CCDC30: variants seen among roughly 807,000 people sequenced by gnomAD.
CCDC30 encodes the protein coiled-coil domain-containing protein 30.
Under a neutral mutation model 100.2 loss-of-function variants are expected in CCDC30, and 70 were observed. The observed-to-expected ratio is 0.70, with a 90% confidence interval of 0.58 to 0.85. The LOEUF (loss-of-function observed/expected upper bound fraction) is 0.85. Ranked by LOEUF, CCDC30 falls within the 40% of genes least tolerant of loss-of-function variation. The probability of loss-of-function intolerance (pLI) is 0.00; values close to 1 mark genes in which losing one functional copy is unlikely to be tolerated. For missense variants in CCDC30, 652 were observed against 771.2 expected (o/e 0.85, Z 1.83); for synonymous variants, 233 against 269.5 (o/e 0.86, Z 1.33).
intron 2 of CCDC30, among the ~76,000 whole-genome samples, chr1:42,482,434 C>T (rs1224656768): frequency 6.6e-6 from 1 of 151,730 alleles, no homozygotes; most frequent in Non-Finnish European, 1.5e-5. Context: ...CACATGAAAC[C>T]AAATATTTAT....
intron 10 of CCDC30, among the ~76,000 whole-genome samples, chr1:42,608,453 G>A (rs1482824756): frequency 1.3e-5 from 2 of 152,232 alleles, no homozygotes; most frequent in Non-Finnish European, 2.9e-5. Context: ...TGTGATCCCA[G>A]CACTTTGGGA....
chr1:42,456,800 G>A, the CCDC30 span: 1 of 1,613,302 alleles, frequency 6.2e-7, no homozygotes, highest in Non-Finnish European at 8.5e-7. Context: ...CGCCGGCTAC[G>A]GGGTCCTGTT....
chr1:42,602,267 CATG>C (rs1646418710), intron 10 of CCDC30, among the ~76,000 whole-genome samples: 3 of 150,660 alleles, frequency 2.0e-5, no homozygotes, highest in African/African-American at 7.4e-5. Flanking sequence ...AATTATCTAA[CATG>C]GTGGTGTTTG....
chr1:42,652,920 T>C (rs1234302727), intron 15 of CCDC30, among the ~76,000 whole-genome samples: 1 of 152,154 alleles, frequency 6.6e-6, no homozygotes, highest in Non-Finnish European at 1.5e-5. Context: ...ATGGGCTTTT[T>C]TGGGGGGTGA....
Position 42,556,088 on chromosome 1 carries a change from CT to C in CCDC30, c.457-10200del, listed in dbSNP as rs537397379. Reference sequence around the variant, plus strand: ...TTTGCAACACTGTCTTGACTTGTAGCTTTTTTTTCCCGATTCTACTACTATA... The same window carrying C: ...TTTGCAACACTGTCTTGACTTGTAGCTTTTTTTCCCGATTCTACTACTATA... On this transcript the variant is annotated intron_variant, in intron 6 of 16. Transcript: ENST00000668663. 892 of 1,470,288 alleles carry C rather than the reference CT, an allele frequency of 6.1e-4. 3 individuals are homozygous for C. In the African/African-American group the frequency reaches 6.5e-3, roughly 11 times the overall value. The allele number at this position is 1,470,288 out of a possible 1,614,324, so 91.1% of individuals were successfully genotyped here.
chr1:42,457,078 G>T, the CCDC30 span: 2 of 1,590,664 alleles, frequency 1.3e-6, no homozygotes, highest in Non-Finnish European at 8.5e-7. Flanking sequence ...CGCTAGGTGC[G>T]TGCCCTAGGA....
rs372381395 is a variant in CCDC30 at position 42,543,548 on chromosome 1, G to A, written c.457-22748G>A. On this transcript the variant is annotated intron_variant, in intron 6 of 16. Transcript: ENST00000668663. ...GTTGGCCAGGCTGGTCTCAAACTCC[G>A]GCAATCTTGCCTTATTTCTGCAGCT... 2.6e-4 allele frequency among the ~76,000 whole-genome samples: 39 copies of A among 151,920 alleles called. 1 individual carries two copies. The highest frequency in any genetic ancestry group is 2.4e-3 in the Admixed American group (37 of 15,256).
chr1:42,541,428 T>A (rs1645009902), intron 6 of CCDC30, among the ~76,000 whole-genome samples: 1 of 152,206 alleles, frequency 6.6e-6, no homozygotes, highest in South Asian at 2.1e-4. Flanking sequence ...ACAAGACCAT[T>A]GATTTTGAAG....
intron 11 of CCDC30, among the ~76,000 whole-genome samples, chr1:42,632,869 A>G (rs1008176327): frequency 1.9e-4 from 29 of 151,994 alleles, no homozygotes; most frequent in African/African-American, 6.5e-4. Flanking sequence ...GGAATGCAGT[A>G]CACGATCTCA....
intron 15 of CCDC30, among the ~76,000 whole-genome samples, chr1:42,647,062 TGCACTCCA>T (rs1647945399): frequency 6.6e-6 from 1 of 152,088 alleles, no homozygotes; most frequent in Non-Finnish European, 1.5e-5. Context: ...ACTGAGCCAC[TGCACTCCA>T]GCCTGGGTGA....
intron 6 of CCDC30, among the ~76,000 whole-genome samples, chr1:42,530,492 TAAC>T (rs1366862265): frequency 1.3e-5 from 2 of 151,962 alleles, no homozygotes; most frequent in Non-Finnish European, 2.9e-5. Context: ...AAATAAAAAA[TAAC>T]AATACAACAA....
chr1:42,564,209 T>C (rs1221420774), intron 6 of CCDC30, among the ~76,000 whole-genome samples: 1 of 152,224 alleles, frequency 6.6e-6, no homozygotes, highest in African/African-American at 2.4e-5. Flanking sequence ...TACTTGTGCC[T>C]ACCTTTGTAG....
At chr1:42,459,861 A>G (rs1047645204), upstream of CCDC30, 2 of 1,614,088 alleles carry the variant, frequency 1.2e-6, no homozygotes, top group Non-Finnish European at 1.7e-6. Flanking sequence ...AGGCGTAGAG[A>G]TAGAAGAGAA....
chr1:42,655,600 C>A (rs971751937), downstream of CCDC30, among the ~76,000 whole-genome samples: 1 of 152,028 alleles, frequency 6.6e-6, no homozygotes, highest in Admixed American at 6.6e-5. Flanking sequence ...ATACCAAGAG[C>A]TTTTCCTGGG....
At chr1:42,500,729 T>A (rs772347103) in intron 6 of CCDC30, among the ~76,000 whole-genome samples, 17 of 152,012 alleles carry the variant, frequency 1.1e-4, no homozygotes, top group Admixed American at 7.2e-4. Context: ...TTGTATTCTT[T>A]CTTTATATTG....
At chr1:42,644,133 A>C (rs1647675391) in intron 13 of CCDC30, among the ~76,000 whole-genome samples, 1 of 152,204 alleles carries the variant, frequency 6.6e-6, no homozygotes, top group Non-Finnish European at 1.5e-5. Context: ...TATGTAAAGG[A>C]GAGTATATAC....
intron 9 of CCDC30, among the ~76,000 whole-genome samples, chr1:42,588,808 G>A (rs1342392474): frequency 6.6e-6 from 1 of 152,118 alleles, no homozygotes; most frequent in Non-Finnish European, 1.5e-5. Flanking sequence ...AGTATACCAG[G>A]ATACCATATT....
Position 42,473,143 on chromosome 1 carries a change from ATACT to A in CCDC30, c.-91-7316_-91-7313del, listed in dbSNP as rs912203499. On this transcript the variant is annotated intron_variant, in intron 1 of 16. Transcript: ENST00000668663. ...CAAGGGAAAAGTTCAGTTAGAAGAC[ATACT>A]TCACCATCTTGAAAAAGAAGAAATC... The A allele has an allele frequency of 2.4e-5, 30 of 1,229,652 alleles. No individual in the cohort carries two copies. The African/African-American group carries it at 4.3e-4, about 18-fold the overall frequency. The allele number at this position is 1,229,652 out of a possible 1,614,324, so 76.2% of individuals were successfully genotyped here.
At chr1:42,555,986 G>C (rs547514342) in intron 6 of CCDC30, among the ~76,000 whole-genome samples, 170 bp from the exon 10 acceptor site, 1 of 152,116 alleles carries the variant, frequency 6.6e-6, no homozygotes, top group Non-Finnish European at 1.5e-5. Context: ...CACCATGCCC[G>C]GCCGACTTAT....
Sources: allele counts gnomAD v4.1 joint callset (sites outside exome capture counted in the v4.1 genomes callset), GRCh38; gene constraint gnomAD v4.1.1; transcripts MANE v1.5; gene names NCBI Gene and HGNC (gene_info 2026-07-23, HGNC 2026-07-21).